The following GALC variants were observed in gnomAD, a reference collection of about 807,000 sequenced individuals.
GALC encodes galactocerebrosidase.
A neutral mutation model predicts 91.8 loss-of-function variants in GALC; 77 were observed. The observed-to-expected ratio is 0.84, with a 90% CI of 0.70 to 1.01. The LOEUF is 1.01. Ranked by LOEUF, GALC falls within the 50% of genes least tolerant of loss-of-function variation. The pLI, the probability that GALC is intolerant of heterozygous loss-of-function variation, is 0.00. For missense variants in GALC, 882 were observed against 855.9 expected, an observed-to-expected ratio of 1.03 and a Z score of -0.38; for synonymous variants, 357 against 306.7, an observed-to-expected ratio of 1.16 and a Z score of -1.71.
At chr14:87,988,938 A>G (rs1887082427) in intron 1 of GALC, among the ~76,000 whole-genome samples, 1 of 152,206 alleles carries the variant, frequency 6.6e-6, no homozygotes, top group African/African-American at 2.4e-5. Context: ...AGGAAGCACT[A>G]CTTTCCCCAT....
At chr14:87,978,197 A>T (rs1020550542) in intron 6 of GALC, among the ~76,000 whole-genome samples, 4 of 152,204 alleles carry the variant, frequency 2.6e-5, no homozygotes, top group African/African-American at 9.6e-5. Context: ...GATTACAGGC[A>T]TGTGGCACCA....
chr14:87,936,240 G>A (rs564234323), intron 16 of GALC, among the ~76,000 whole-genome samples: 1 of 152,140 alleles, frequency 6.6e-6, no homozygotes, highest in Admixed American at 6.6e-5. Context: ...CCTGGTTAGA[G>A]AATCAGGGTA....
In GALC at chr14:87,947,833, C is replaced by A; in HGVS notation, c.1384G>T (p.Glu462Ter). 6.2e-7 allele frequency: 1 copy of A among 1,612,654 alleles called. No homozygotes were observed. The highest frequency in any genetic ancestry group is 1.1e-5 in the South Asian group (1 of 91,050). The change falls in exon 13 of 17, where the codon GAG becomes TAG. Residue 462 changes from glutamate (E) to a stop codon, truncating the protein, a stop_gained. Transcript: ENST00000261304. LOFTEE classifies it high-confidence loss of function. The part of the protein sequence containing the change: ...GSFTLSLHED[E>*]LFTLTTLTTG... ...GTGAGAGTGGTGAGTGTGAACAGCT[C>A]ATCTTCATGCAGGCTCAGTGTGAAA...
rs376302808 is a variant in GALC at position 87,934,885 on chromosome 14, T to C, written c.1912-7A>G. ...TGCCAGAGGTGAAATGACCCTAGAG[T>C]AGAAAGAAACACATTCCTTGAAACC... On this transcript the variant is annotated splice_polypyrimidine_tract_variant and splice_region_variant and intron_variant, in intron 16 of 16. Coordinates refer to ENST00000261304, the MANE Select transcript of GALC (RefSeq NM_000153.4). 5.0e-6 allele frequency: 8 copies of C among 1,594,050 alleles called. No individual in the cohort carries two copies. The African/African-American group carries it at 6.7e-5, about 13-fold the overall frequency.
chr14:87,986,565 A>C lies in GALC; in HGVS notation c.366T>G (p.Asp122Glu), dbSNP rs751595447. 26 of 1,613,768 alleles carry C rather than the reference A, an allele frequency of 1.6e-5. No individual in the cohort carries two copies. The South Asian group carries it at 2.6e-4, about 16-fold the overall frequency. ...TEPSHMHYALDENYFRGYEWW... is the reference protein window; with the variant it reads ...TEPSHMHYALEENYFRGYEWW... ...ACTCGTATCCTCGGAAATAATTCTC[A>C]TCTAGTGCATAATGCATGTGGGAGG... is the stretch of plus-strand genomic sequence containing the variant. Residue 122 changes from aspartate (D) to glutamate (E), a missense_variant, in exon 4 of 17, where the codon GAT becomes GAG. By Grantham distance (45) the Asp-to-Glu change is conservative. Coordinates refer to ENST00000261304, the MANE Select transcript of GALC (RefSeq NM_000153.4).
chr14:87,990,353 C>T (rs1175606406), intron 1 of GALC, among the ~76,000 whole-genome samples: 1 of 152,130 alleles, frequency 6.6e-6, no homozygotes, highest in African/African-American at 2.4e-5. Context: ...GCTATGTAAT[C>T]ATAGGCAAAT....
intron 6 of GALC, among the ~76,000 whole-genome samples, 172 bp downstream of exon 6, chr14:87,982,033 A>T (rs934763040): frequency 1.3e-5 from 2 of 152,182 alleles, no homozygotes; most frequent in Non-Finnish European, 2.9e-5. Flanking sequence ...CAGGAATATA[A>T]ACATTGTTAA....
intron 15 of GALC, among the ~76,000 whole-genome samples, chr14:87,940,732 A>G (rs1884799260): frequency 6.6e-6 from 1 of 151,926 alleles, no homozygotes; most frequent in African/African-American, 2.4e-5. Flanking sequence ...TATAAAAGAG[A>G]TATTTTTAAA....
At chr14:87,992,542 T>C (rs1174584039) in intron 1 of GALC, 4 of 1,524,712 alleles carry the variant, frequency 2.6e-6, no homozygotes, top group South Asian at 2.4e-5. Flanking sequence ...AGCCAAAGCA[T>C]CCCACTGGGG....
chr14:87,948,861 C>T (rs1885188953), intron 12 of GALC, among the ~76,000 whole-genome samples: 1 of 151,900 alleles, frequency 6.6e-6, no homozygotes, highest in Admixed American at 6.6e-5. Flanking sequence ...GTTATCAGAA[C>T]ATTAATAATA....
Position 87,988,212 on chromosome 14 carries a change from G to C in GALC, c.265-5C>G. ...CAAAGAGGCACCAAAATTCGGCTGT[G>C]AAAAGAAGTAACAGTATTAACATAG... On this transcript the variant is annotated splice_polypyrimidine_tract_variant and splice_region_variant and intron_variant, in intron 2 of 16. Transcript: ENST00000261304. 6.2e-7 allele frequency: 1 copy of C among 1,612,406 alleles called. No homozygotes were observed. Among genetic ancestry groups the C allele is most frequent in the Non-Finnish European group, 8.5e-7 (1 of 1,178,744 alleles).
chr14:87,969,469 G>A (rs1051800491), intron 7 of GALC, among the ~76,000 whole-genome samples: 1 of 152,108 alleles, frequency 6.6e-6, no homozygotes, highest in Non-Finnish European at 1.5e-5. Context: ...GATTGTGGAA[G>A]ACACTGATTA....
chr14:87,964,613 G>A (rs967998432), intron 9 of GALC, among the ~76,000 whole-genome samples: 2 of 152,050 alleles, frequency 1.3e-5, no homozygotes, highest in Non-Finnish European at 2.9e-5. Flanking sequence ...TTTCCCTTGT[G>A]ACTAATGAAT....
intron 14 of GALC, among the ~76,000 whole-genome samples, chr14:87,945,021 T>G (rs1014663352): frequency 5.3e-5 from 8 of 152,022 alleles, no homozygotes; most frequent in Non-Finnish European, 1.2e-4. Context: ...ATATTTTATG[T>G]GAATAATATA....
chr14:87,993,062 C>T lies in GALC; in HGVS notation c.103G>A (p.Ala35Thr), dbSNP rs1359964555. ...TACGCGCCGCCGGGCGCCAGCAGCGCACACAGCAGCAAGGGCACCGCGGCG... is the reference window on the plus strand; with the variant it reads ...TACGCGCCGCCGGGCGCCAGCAGCGTACACAGCAGCAAGGGCACCGCGGCG... Reference protein sequence around the residue: ...GRAAVPLLLCALLAPGGAYVL... With the variant: ...GRAAVPLLLCTLLAPGGAYVL... Residue 35 changes from alanine (A) to threonine (T), a missense_variant, in exon 1 of 17, where the codon GCG (alanine) becomes ACG (threonine). Physicochemically the swap from Ala to Thr is moderately conservative, Grantham distance 58. Coordinates refer to ENST00000261304, the MANE Select transcript of GALC (RefSeq NM_000153.4). The T allele has an allele frequency of 6.3e-7, 1 of 1,574,834 alleles. No homozygotes were observed. Among genetic ancestry groups the T allele is most frequent in the East Asian group, 2.3e-5 (1 of 43,178 alleles).
chr14:87,976,318 A>G (rs759832936), intron 7 of GALC, 40 bp downstream of exon 7: 2 of 1,610,500 alleles, frequency 1.2e-6, no homozygotes, highest in Admixed American at 3.3e-5. Flanking sequence ...CAGAGCAAGC[A>G]ATCAGAAACT....
intron 1 of GALC, chr14:87,992,523 G>C: frequency 6.5e-7 from 1 of 1,529,154 alleles, no homozygotes; most frequent in South Asian, 1.2e-5. Context: ...CTCCAAAAGG[G>C]AGAGACACAG....
At chr14:87,949,633 CAG>C (rs1375828867) in intron 12 of GALC, among the ~76,000 whole-genome samples, 1 of 151,956 alleles carries the variant, frequency 6.6e-6, no homozygotes, top group African/African-American at 2.4e-5. Flanking sequence ...GTGGGAAAGA[CAG>C]AGAGTCTCAA....
intron 7 of GALC, among the ~76,000 whole-genome samples, chr14:87,969,530 A>C (rs1886193448): frequency 6.6e-6 from 1 of 152,218 alleles, no homozygotes; most frequent in African/African-American, 2.4e-5. Context: ...TAGATTGACA[A>C]TCCAATAAGA....
Sources: allele counts gnomAD v4.1 joint callset (sites outside exome capture counted in the v4.1 genomes callset), GRCh38; gene constraint gnomAD v4.1.1; transcripts MANE v1.5; gene names NCBI Gene and HGNC (gene_info 2026-07-23, HGNC 2026-07-21).